CNKSR3: variants seen among roughly 807,000 people sequenced by gnomAD.
CNKSR3 encodes the protein CNKSR family member 3, also known as connector enhancer of kinase suppressor of ras 3.
Under a neutral mutation model 67.7 loss-of-function variants are expected in CNKSR3, and 36 were observed. That is an observed-to-expected ratio of 0.53 (90% confidence interval 0.41 to 0.70). CNKSR3 has a LOEUF of 0.70. Ranked by LOEUF, CNKSR3 falls within the 30% of genes least tolerant of loss-of-function variation. The pLI, the probability that CNKSR3 is intolerant of heterozygous loss-of-function variation, is 0.00. For synonymous variants in CNKSR3, 281 were observed against 271.4 expected (o/e 1.04, Z -0.35); for missense variants, 630 against 695.2 (o/e 0.91, Z 1.05).
intron 1 of CNKSR3, among the ~76,000 whole-genome samples, chr6:154,509,027 T>C (rs928545262): frequency 2.6e-5 from 4 of 151,740 alleles, no homozygotes; most frequent in Admixed American, 1.3e-4. Flanking sequence ...CTTAGCAAAC[T>C]GTAAAGCGCT....
intron 1 of CNKSR3, among the ~76,000 whole-genome samples, chr6:154,504,548 AC>A (rs1787059454): frequency 6.6e-6 from 1 of 152,186 alleles, no homozygotes; most frequent in African/African-American, 2.4e-5. Context: ...ATTCAGCTCC[AC>A]CCCCTGGTAC....
rs1323144818 is a variant in CNKSR3, at chr6:154,390,184, C to T, written c.*16170G>A. 3 of 152,310 alleles carry T rather than the reference C, an allele frequency of 2.0e-5. No homozygotes were observed. The highest frequency in any genetic ancestry group is 6.5e-5 in the Admixed American group (1 of 15,274). 9.4% of individuals were successfully genotyped at this position (152,310 alleles called of 1,614,324 possible). A position where few individuals can be genotyped will look rare whatever the true frequency, so the allele number is the denominator to read the frequency against. ...GCTTCCCCACATTTTCTCAGCACCA[C>T]CTACGTCTTAGACCTCAGCCATTTG... On this transcript the variant is annotated 3_prime_UTR_variant, in exon 13 of 13. Transcript: ENST00000607772.
chr6:154,414,099 G>A (rs138255781), intron 10 of CNKSR3, among the ~76,000 whole-genome samples, 200 bp downstream of exon 10: 47 of 150,824 alleles, frequency 3.1e-4, no homozygotes, highest in African/African-American at 9.3e-4. Context: ...AAACTGTATA[G>A]CTTCAAGCCC....
rs564666903 is a variant in CNKSR3, at chr6:154,497,223, A to C, written c.52+12840T>G. 2.6e-3 allele frequency among the ~76,000 whole-genome samples: 389 copies of C among 150,006 alleles called. 2 individuals carry two copies. The highest frequency in any genetic ancestry group is 0.01 in the Middle Eastern group (3 of 292). On this transcript the variant is annotated intron_variant, in intron 1 of 12. Transcript: ENST00000607772. ...AACATAATGAGACCTCGTTTCTACT[A>C]AAGTTCAAAAAAAAAAAATTAGCCA...
At chr6:154,477,353 C>G (rs1786473586) in intron 1 of CNKSR3, among the ~76,000 whole-genome samples, 1 of 152,036 alleles carries the variant, frequency 6.6e-6, no homozygotes, top group African/African-American at 2.4e-5. Context: ...CAGAGTGACC[C>G]AGGCTGGAGA....
At chr6:154,421,713 G>A (rs1785147317) in intron 9 of CNKSR3, among the ~76,000 whole-genome samples, 1 of 152,150 alleles carries the variant, frequency 6.6e-6, no homozygotes, top group South Asian at 2.1e-4. Context: ...CCATGGGGTG[G>A]GCTGCACTCA....
At chr6:154,489,359 C>G (rs1188463749) in intron 1 of CNKSR3, among the ~76,000 whole-genome samples, 1 of 152,134 alleles carries the variant, frequency 6.6e-6, no homozygotes, top group African/African-American at 2.4e-5. Flanking sequence ...GGTGAAACCA[C>G]ATCTCGACTA....
chr6:154,504,280 G>A (rs1005972870), intron 1 of CNKSR3, among the ~76,000 whole-genome samples: 5 of 152,192 alleles, frequency 3.3e-5, no homozygotes, highest in African/African-American at 1.2e-4. Context: ...GTTCTGCCCC[G>A]GATCCTCTGA....
intron 4 of CNKSR3, among the ~76,000 whole-genome samples, chr6:154,436,285 C>T (rs1232827816): frequency 2.0e-5 from 3 of 152,220 alleles, no homozygotes; most frequent in South Asian, 2.1e-4. Context: ...AATCCTCCCA[C>T]CTCAGCCTCC....
intron 1 of CNKSR3, among the ~76,000 whole-genome samples, chr6:154,484,438 G>T (rs1458371724): frequency 6.6e-6 from 1 of 152,166 alleles, no homozygotes; most frequent in Admixed American, 6.5e-5. Flanking sequence ...GGGCACAGTG[G>T]CTCACGCCTG....
In CNKSR3 at chr6:154,414,633, G is replaced by A; in HGVS notation, c.946-210C>T. The stretch of plus-strand genomic sequence containing the variant: ...TGAGGGATTTGAATGACGATGTATA[G>A]TGGCAAGAAGCAGAGGCTTAGGAGC... On this transcript the variant is annotated intron_variant, in intron 9 of 12. Transcript: ENST00000607772. 3 of 637,794 alleles carry A rather than the reference G, an allele frequency of 4.7e-6. No individual in the cohort carries two copies. In the Middle Eastern group the frequency reaches 7.8e-4, roughly 166 times the overall value. 39.5% of individuals were successfully genotyped at this position (637,794 alleles called of 1,614,324 possible).
intron 1 of CNKSR3, among the ~76,000 whole-genome samples, chr6:154,474,402 G>A (rs1367634110): frequency 8.5e-5 from 11 of 129,782 alleles, no homozygotes; most frequent in African/African-American, 3.8e-4. Flanking sequence ...GACAAAGCAA[G>A]ACTCCGTCTC....
chr6:154,441,466 G>A, intron 3 of CNKSR3, 87 bp from the exon 4 acceptor site: 2 of 919,306 alleles, frequency 2.2e-6, no homozygotes, highest in South Asian at 2.8e-5. Flanking sequence ...GCTACCCCAT[G>A]GGCTACTCTA....
intron 5 of CNKSR3, among the ~76,000 whole-genome samples, chr6:154,432,737 G>A (rs1355685109): frequency 6.6e-6 from 1 of 152,238 alleles, no homozygotes; most frequent in Admixed American, 6.5e-5. Context: ...GAGACAATGA[G>A]AGGATCCCTA....
At chr6:154,492,912 C>A (rs1326469947) in intron 1 of CNKSR3, among the ~76,000 whole-genome samples, 1 of 152,152 alleles carries the variant, frequency 6.6e-6, no homozygotes, top group Non-Finnish European at 1.5e-5. Flanking sequence ...ATCCTACTGG[C>A]CTTTCAGAAT....
intron 1 of CNKSR3, among the ~76,000 whole-genome samples, chr6:154,465,527 A>C (rs1456584995): frequency 6.6e-6 from 1 of 152,134 alleles, no homozygotes; most frequent in East Asian, 1.9e-4. Flanking sequence ...AGGCACCCAG[A>C]GGGAGGTGAC....
At chr6:154,509,119 A>C (rs1231108244) in intron 1 of CNKSR3, among the ~76,000 whole-genome samples, 1 of 152,080 alleles carries the variant, frequency 6.6e-6, no homozygotes, top group African/African-American at 2.4e-5. Context: ...AACTTGAAAC[A>C]GAGATGTCGT....
intron 6 of CNKSR3, among the ~76,000 whole-genome samples, chr6:154,429,380 T>C (rs1785319038): frequency 6.6e-6 from 1 of 152,178 alleles, no homozygotes; most frequent in South Asian, 2.1e-4. Context: ...TCGCAGATTA[T>C]ATCAGCTTCT....
chr6:154,457,988 A>G (rs1785994857), intron 1 of CNKSR3, among the ~76,000 whole-genome samples: 1 of 152,232 alleles, frequency 6.6e-6, no homozygotes, highest in African/African-American at 2.4e-5. Context: ...TGGCAAAAAC[A>G]GCACCCAGGC....
Sources: gnomAD v4.1 joint callset for allele counts (sites outside exome capture counted in the v4.1 genomes callset) on GRCh38, gnomAD v4.1.1 for gene constraint, MANE v1.5 for transcripts, NCBI Gene and HGNC (gene_info 2026-07-23, HGNC 2026-07-21) for gene names.